Variants in NCKAP5 observed in about 807,000 individuals in gnomAD.
NCKAP5 encodes the protein NCK associated protein 5.
Under a neutral mutation model 167.0 loss-of-function variants are expected in NCKAP5, and 92 were observed. That is an observed-to-expected ratio of 0.55 (90% CI 0.47 to 0.66). The LOEUF (loss-of-function observed/expected upper bound fraction) is 0.66. NCKAP5 is among the 30% of genes least tolerant of loss of function. The pLI is 0.00. For missense variants in NCKAP5, 2,378 were observed against 2,315.0 expected (o/e 1.03, Z -0.56); for synonymous variants, 891 against 877.4 (o/e 1.02, Z -0.27).
intron 6 of NCKAP5, among the ~76,000 whole-genome samples, chr2:133,076,044 G>T (rs1354699852): frequency 6.6e-6 from 1 of 152,088 alleles, no homozygotes; most frequent in Non-Finnish European, 1.5e-5. Flanking sequence ...AGAAAGTTGG[G>T]CAATGTTTGT....
At chr2:133,135,214 G>A (rs948257330) in intron 5 of NCKAP5, among the ~76,000 whole-genome samples, 1 of 152,238 alleles carries the variant, frequency 6.6e-6, no homozygotes, top group Non-Finnish European at 1.5e-5. Flanking sequence ...AAAGGCCTCT[G>A]AGGAAGTAAT....
In NCKAP5 at chr2:133,540,948, A is replaced by AAG. The variant is rs1553437954; in HGVS notation, c.-62+18101_-62+18102insCT. Among the ~76,000 whole-genome samples the AAG allele has an allele frequency of 2.7e-5, 4 of 150,614 alleles. 1 individual carries two copies. The highest frequency in any genetic ancestry group is 9.8e-5 in the African/African-American group (4 of 40,964). On this transcript the variant is annotated intron_variant, in intron 2 of 19. Transcript: ENST00000409261. ...GACTCTGTCTCAAAAAAAAAAAAAA[A>AAG]AAAGAAAGAAAAAAAATCACAGTGG... is the stretch of plus-strand genomic sequence containing the variant.
At position 132,927,829 on chromosome 2, in the gene NCKAP5, C is replaced by A. The variant is rs1696031358; in HGVS notation, c.579+35891G>T. Among the ~76,000 whole-genome samples the A allele has an allele frequency of 4.6e-5, 7 of 151,994 alleles. No individual in the cohort carries two copies. In the South Asian group the frequency reaches 1.5e-3, roughly 32 times the overall value. ...ATCATCAGTGAACAGAGGTAATGGG[C>A]TTTAATATTAAGAAGTTGGGCAAAG... On this transcript the variant is annotated intron_variant, in intron 8 of 19. Transcript: ENST00000409261.
chr2:133,120,139 G>C (rs1211620179), intron 6 of NCKAP5, among the ~76,000 whole-genome samples: 1 of 152,172 alleles, frequency 6.6e-6, no homozygotes, highest in Admixed American at 6.5e-5. Flanking sequence ...AATGACAGGT[G>C]AAAACCTTTG....
rs760262461 is a variant in NCKAP5 at position 132,703,217 on chromosome 2, A to AC, written c.5713+22409dup. On this transcript the variant is annotated intron_variant, in intron 19 of 19. Transcript: ENST00000409261. ...AAAATTTAAAAAGTATTTAATTATT[A>AC]CTAGATGTCCAACAAAGTTGTGAAA... Among the ~76,000 whole-genome samples the AC allele has an allele frequency of 4.0e-4, 61 of 152,312 alleles. 1 individual carries two copies. In the Middle Eastern group the frequency reaches 0.014, roughly 34 times the overall value.
chr2:133,050,880 T>C (rs1355806561), intron 6 of NCKAP5, among the ~76,000 whole-genome samples: 1 of 152,220 alleles, frequency 6.6e-6, no homozygotes, highest in African/African-American at 2.4e-5. Flanking sequence ...GTCTCGATTT[T>C]ATCACCAAAA....
intron 5 of NCKAP5, among the ~76,000 whole-genome samples, chr2:133,162,554 C>T (rs1454990280): frequency 6.6e-6 from 1 of 152,180 alleles, no homozygotes; most frequent in Admixed American, 6.5e-5. Context: ...GCATAATCTA[C>T]AGAAGCCCTA....
chr2:132,962,841 T>G (rs1208657562), intron 8 of NCKAP5, among the ~76,000 whole-genome samples: 1 of 152,174 alleles, frequency 6.6e-6, no homozygotes, highest in African/African-American at 2.4e-5. Context: ...TCCGCCTGCC[T>G]CGGCCTCCTA....
At chr2:133,364,720 G>A (rs1685341120) in intron 3 of NCKAP5, among the ~76,000 whole-genome samples, 1 of 151,982 alleles carries the variant, frequency 6.6e-6, no homozygotes, top group Non-Finnish European at 1.5e-5. Context: ...GTGCTCAGTA[G>A]ATCACAGTGG....
chr2:133,176,680 G>T (rs1230699074), intron 5 of NCKAP5, among the ~76,000 whole-genome samples: 2 of 152,022 alleles, frequency 1.3e-5, no homozygotes, highest in Non-Finnish European at 2.9e-5. Flanking sequence ...AGCAACCATG[G>T]ATCCTTTTAA....
intron 2 of NCKAP5, among the ~76,000 whole-genome samples, chr2:133,526,132 CA>C (rs900840067): frequency 2.4e-5 from 3 of 122,800 alleles, no homozygotes; most frequent in African/African-American, 9.3e-5. Flanking sequence ...GAAAGAAAAA[CA>C]AAAGAAGAAG....
intron 8 of NCKAP5, among the ~76,000 whole-genome samples, chr2:132,920,707 AT>A (rs1452396015): frequency 0.077 from 7,852 of 102,586 alleles, 1,191 homozygotes; most frequent in Admixed American, 0.22. Context: ...ATATACGTAT[AT>A]GTATATATAT....
Position 133,147,566 on chromosome 2 carries a change from C to A in NCKAP5, c.208-17455G>T, listed in dbSNP as rs142812427. Among the ~76,000 whole-genome samples the A allele has an allele frequency of 5.3e-4, 80 of 152,174 alleles. 1 individual carries two copies. The highest frequency in any genetic ancestry group is 1.8e-3 in the African/African-American group (76 of 41,534). On this transcript the variant is annotated intron_variant, in intron 5 of 19. Transcript: ENST00000409261. ...TAATAAATTAGAGGTTATGTGGACC[C>A]CACCTTACAATCTTTCATGGAGACA...
chr2:132,995,996 T>A (rs926938388), intron 6 of NCKAP5, among the ~76,000 whole-genome samples: 4 of 152,084 alleles, frequency 2.6e-5, no homozygotes, highest in African/African-American at 9.7e-5. Flanking sequence ...TTTTTTTACA[T>A]TATTTTATTA....
the NCKAP5 span, among the ~76,000 whole-genome samples, chr2:133,582,942 A>T: frequency 6.6e-6 from 1 of 152,220 alleles, no homozygotes. Context: ...GTTTTGCAGA[A>T]CAGCATTTGT....
At chr2:133,028,592 G>C (rs1458876720) in intron 6 of NCKAP5, among the ~76,000 whole-genome samples, 1 of 152,206 alleles carries the variant, frequency 6.6e-6, no homozygotes, top group Non-Finnish European at 1.5e-5. Flanking sequence ...ATTTATAAGT[G>C]AGAACCACAG....
chr2:133,161,550 G>A lies in NCKAP5; in HGVS notation c.208-31439C>T, dbSNP rs116679268. ...CCGGGTACCCACATAGCTCTGTACT[G>A]TTGATGCTAAGTCAGCCTTCCAGCC... On this transcript the variant is annotated intron_variant, in intron 5 of 19. Coordinates refer to ENST00000409261, the MANE Select transcript of NCKAP5 (RefSeq NM_207363.3). Among the ~76,000 whole-genome samples the A allele has an allele frequency of 2.3e-3, 350 of 152,282 alleles. 4 individuals carry two copies. Among genetic ancestry groups the A allele is most frequent in the African/African-American group, 7.8e-3 (324 of 41,546 alleles).
intron 5 of NCKAP5, among the ~76,000 whole-genome samples, chr2:133,152,955 TAG>T (rs1357542314): frequency 6.6e-6 from 1 of 152,172 alleles, no homozygotes; most frequent in Non-Finnish European, 1.5e-5. Flanking sequence ...GCTGTAGCAC[TAG>T]GTCTGTGTAA....
At chr2:133,063,691 G>A (rs1225773794) in intron 6 of NCKAP5, among the ~76,000 whole-genome samples, 3 of 152,074 alleles carry the variant, frequency 2.0e-5, no homozygotes, top group Admixed American at 1.3e-4. Flanking sequence ...CTTATACCCA[G>A]GGAGGCCTCT....
Sources: allele counts gnomAD v4.1 joint callset (sites outside exome capture counted in the v4.1 genomes callset), GRCh38; gene constraint gnomAD v4.1.1; transcripts MANE v1.5; gene names NCBI Gene and HGNC (gene_info 2026-07-23, HGNC 2026-07-21).